Variants in RBFOX1 observed in about 807,000 individuals in gnomAD.
RBFOX1 encodes RNA binding fox-1 homolog 1.
Under a neutral mutation model 57.7 loss-of-function variants are expected in RBFOX1, and 8 were observed. The observed-to-expected ratio is 0.14, with a 90% CI of 0.08 to 0.25. RBFOX1 has a LOEUF of 0.25. Among genes scored for constraint, RBFOX1 ranks in the 10% least tolerant of loss-of-function variants. The probability of loss-of-function intolerance (pLI) is 1.00; values close to 1 mark genes in which losing one functional copy is unlikely to be tolerated. For synonymous variants in RBFOX1, 326 were observed against 222.4 expected (o/e 1.47, Z -4.15); for missense variants, 611 against 548.5 (o/e 1.11, Z -1.14).
intron 3 of RBFOX1, among the ~76,000 whole-genome samples, chr16:5,795,954 C>G (rs1255785585): frequency 6.6e-6 from 1 of 152,218 alleles, no homozygotes; most frequent in East Asian, 1.9e-4. Context: ...CATCAATAGT[C>G]CCCACCTTTT....
chr16:5,661,348 T>C (rs2049642483), intron 3 of RBFOX1, among the ~76,000 whole-genome samples: 1 of 152,190 alleles, frequency 6.6e-6, no homozygotes, highest in African/African-American at 2.4e-5. Context: ...TTAAAAGAGG[T>C]ATCTGCATGT....
At chr16:5,306,716 T>C (rs572989887) in intron 1 of RBFOX1, among the ~76,000 whole-genome samples, 1 of 152,324 alleles carries the variant, frequency 6.6e-6, no homozygotes, top group African/African-American at 2.4e-5. Context: ...AGCACGCCCA[T>C]GCTGCCCTGC....
intron 3 of RBFOX1, among the ~76,000 whole-genome samples, chr16:6,949,884 C>G (rs1031148858): frequency 1.1e-4 from 17 of 151,878 alleles, no homozygotes; most frequent in Admixed American, 4.6e-4. Flanking sequence ...GAACTGTTCT[C>G]CCTTTAAAAC....
chr16:6,645,885 C>T (rs892794049), intron 2 of RBFOX1, among the ~76,000 whole-genome samples: 2 of 152,072 alleles, frequency 1.3e-5, no homozygotes, highest in South Asian at 2.1e-4. Flanking sequence ...GCAAACTCGG[C>T]CTCCTTGTGC....
intron 3 of RBFOX1, among the ~76,000 whole-genome samples, chr16:6,822,676 C>A (rs955623524): frequency 6.6e-6 from 1 of 152,164 alleles, no homozygotes; most frequent in Non-Finnish European, 1.5e-5. Flanking sequence ...CTTTTACACG[C>A]TATGGTGTGT....
chr16:5,488,401 G>A (rs200460903), intron 2 of RBFOX1, among the ~76,000 whole-genome samples: 2 of 151,292 alleles, frequency 1.3e-5, no homozygotes, highest in African/African-American at 2.4e-5. Flanking sequence ...GGTGTGGCGG[G>A]GTGTGATGGT....
At chr16:5,419,725 A>T (rs548016043) in intron 1 of RBFOX1, among the ~76,000 whole-genome samples, 1 of 152,156 alleles carries the variant, frequency 6.6e-6, no homozygotes, top group East Asian at 1.9e-4. Flanking sequence ...TCATCTGAAC[A>T]CAAAAGACCT....
chr16:7,615,788 C>G (rs2141751673), intron 10 of RBFOX1, among the ~76,000 whole-genome samples: 1 of 152,250 alleles, frequency 6.6e-6, no homozygotes, highest in South Asian at 2.1e-4. Context: ...AAGGACGCTT[C>G]AAAACACCCT....
upstream of RBFOX1, among the ~76,000 whole-genome samples, chr16:6,014,218 T>G (rs967372512): frequency 2.7e-5 from 4 of 150,680 alleles, no homozygotes; most frequent in African/African-American, 9.7e-5. Context: ...ACATGCTTGT[T>G]GCTTTTGTAG....
intron 1 of RBFOX1, among the ~76,000 whole-genome samples, chr16:6,249,604 G>A (rs963293095): frequency 2.6e-5 from 4 of 152,140 alleles, no homozygotes; most frequent in Admixed American, 2.6e-4. Flanking sequence ...AGCATAGGTA[G>A]AGAGTAGTGA....
At chr16:6,917,408 AAGAAATCTACAAGTGCTTT>A (rs1460822662) in intron 3 of RBFOX1, among the ~76,000 whole-genome samples, 3 of 152,226 alleles carry the variant, frequency 2.0e-5, no homozygotes, top group Non-Finnish European at 4.4e-5. Context: ...ATATCTTATA[AAGAAATCTACAAGTGCTTT>A]TGTCCTTGAT....
chr16:6,834,104 G>A (rs967830479), intron 3 of RBFOX1, among the ~76,000 whole-genome samples: 2 of 151,206 alleles, frequency 1.3e-5, no homozygotes, highest in East Asian at 1.9e-4. Context: ...TCCCTCTTTC[G>A]CCCGGGCTGG....
intron 3 of RBFOX1, among the ~76,000 whole-genome samples, chr16:6,782,541 C>G (rs73530735): frequency 1.3e-5 from 2 of 151,820 alleles, no homozygotes; most frequent in Non-Finnish European, 2.9e-5. Context: ...ATTTTTATGT[C>G]CAATAAATGC....
chr16:7,441,896 C>T (rs774061619), intron 4 of RBFOX1, among the ~76,000 whole-genome samples: 1 of 152,206 alleles, frequency 6.6e-6, no homozygotes, highest in South Asian at 2.1e-4. Context: ...CCCACCCTTC[C>T]ACAAATAAAC....
intron 4 of RBFOX1, among the ~76,000 whole-genome samples, chr16:7,371,352 C>A (rs4306527): frequency 0.012 from 1,897 of 152,074 alleles, 41 homozygotes; most frequent in African/African-American, 0.044. Flanking sequence ...ATGCTAGTAA[C>A]GGAAGACGGG....
intron 2 of RBFOX1, among the ~76,000 whole-genome samples, chr16:6,635,521 G>A (rs1016571156): frequency 6.6e-6 from 1 of 152,096 alleles, no homozygotes; most frequent in Admixed American, 6.6e-5. Context: ...AAGTGATTCA[G>A]CAGGAGGAGA....
chr16:5,488,725 C>T (rs11859978), intron 2 of RBFOX1, among the ~76,000 whole-genome samples: 113,578 of 142,216 alleles, frequency 0.8, 44,957 homozygotes, highest in East Asian at 0.89. Flanking sequence ...TGGTGGGGTG[C>T]GATGGTGATG....
intron 4 of RBFOX1, among the ~76,000 whole-genome samples, chr16:7,411,542 A>G (rs1000682309): frequency 6.6e-6 from 1 of 152,204 alleles, no homozygotes; most frequent in Admixed American, 6.5e-5. Flanking sequence ...TAATTGTAAG[A>G]AAAACATCAG....
intron 3 of RBFOX1, among the ~76,000 whole-genome samples, chr16:7,021,546 T>G (rs1201228256): frequency 1.4e-5 from 2 of 145,656 alleles, no homozygotes; most frequent in Non-Finnish European, 3.0e-5. Flanking sequence ...TATAAAATTT[T>G]TATATTTATA....
Sources: gnomAD v4.1 joint callset for allele counts (sites outside exome capture counted in the v4.1 genomes callset) on GRCh38, gnomAD v4.1.1 for gene constraint, MANE v1.5 for transcripts, NCBI Gene and HGNC (gene_info 2026-07-23, HGNC 2026-07-21) for gene names.